Variants in TET3 observed in about 807,000 individuals in gnomAD.
TET3 encodes tet methylcytosine dioxygenase 3.
Under a neutral mutation model 141.4 loss-of-function variants are expected in TET3, and 19 were observed. The observed-to-expected ratio is 0.13, with a 90% confidence interval of 0.09 to 0.20. TET3 has a LOEUF of 0.20. TET3 is among the 10% of genes least tolerant of loss of function. The probability of loss-of-function intolerance (pLI) is 1.00; values close to 1 mark genes in which losing one functional copy is unlikely to be tolerated. For missense variants in TET3, 1,874 were observed against 2,356.9 expected (o/e 0.80, Z 4.24); for synonymous variants, 1,043 against 980.9 (o/e 1.06, Z -1.18).
chr2:74,051,724 T>C (rs575754820), intron 4 of TET3, among the ~76,000 whole-genome samples: 1 of 152,276 alleles, frequency 6.6e-6, no homozygotes, highest in Non-Finnish European at 1.5e-5. Flanking sequence ...ATGAGGTAAA[T>C]ACTGTCAGTG....
rs545729509 is a variant in TET3 at position 74,003,923 on chromosome 2, A to G, written c.360+757A>G. 1.4e-3 allele frequency among the ~76,000 whole-genome samples: 211 copies of G among 151,982 alleles called. 2 individuals carry two copies. The highest frequency in any genetic ancestry group is 5.0e-3 in the African/African-American group (208 of 41,434). On this transcript the variant is annotated intron_variant, in intron 3 of 11. Transcript: ENST00000409262. ...GTAGAGTATCAGCCATTACTAGGAA[A>G]CCACAGATATTCCTCCCACGTTGGC...
At chr2:73,996,608 A>T (rs781603975) in intron 2 of TET3, among the ~76,000 whole-genome samples, 6 of 152,128 alleles carry the variant, frequency 3.9e-5, no homozygotes, top group Non-Finnish European at 8.8e-5. Flanking sequence ...CCTGGATTTG[A>T]GCGATTCTCG....
chr2:73,990,221 A>AT (rs1246622629), intron 2 of TET3, among the ~76,000 whole-genome samples: 3 of 151,488 alleles, frequency 2.0e-5, no homozygotes, highest in Admixed American at 2.0e-4. Context: ...TGCTAAAAAA[A>AT]AAAAAAAATT....
chr2:74,043,159 C>T (rs1336004176), intron 3 of TET3, among the ~76,000 whole-genome samples: 2 of 152,190 alleles, frequency 1.3e-5, no homozygotes, highest in Admixed American at 6.5e-5. Flanking sequence ...ATGCTCTTTC[C>T]GTCTTCCTAC....
intron 5 of TET3, among the ~76,000 whole-genome samples, chr2:74,078,807 A>G (rs1689650498): frequency 2.0e-5 from 3 of 152,256 alleles, no homozygotes; most frequent in Admixed American, 2.0e-4. Context: ...ATACAAGGTT[A>G]TAGTATGCTG....
At chr2:74,031,953 T>G (rs1358944393) in intron 3 of TET3, among the ~76,000 whole-genome samples, 1 of 152,220 alleles carries the variant, frequency 6.6e-6, no homozygotes, top group Non-Finnish European at 1.5e-5. Context: ...TGGATTCTAC[T>G]TTGCCACTCA....
At chr2:74,010,343 A>C (rs1186298130) in intron 3 of TET3, among the ~76,000 whole-genome samples, 1 of 152,034 alleles carries the variant, frequency 6.6e-6, no homozygotes, top group Non-Finnish European at 1.5e-5. Flanking sequence ...GGTCTGGGGG[A>C]AGCCGGATGT....
chr2:74,023,284 G>A (rs1487181466), intron 3 of TET3, among the ~76,000 whole-genome samples: 1 of 152,132 alleles, frequency 6.6e-6, no homozygotes, highest in Admixed American at 6.5e-5. Context: ...GTGTCACGTA[G>A]GCTGGAGTGC....
chr2:73,989,412 G>A (rs1257679508), intron 2 of TET3, among the ~76,000 whole-genome samples: 1 of 152,076 alleles, frequency 6.6e-6, no homozygotes, highest in Non-Finnish European at 1.5e-5. Flanking sequence ...TCCATCTCTC[G>A]TAGCTGACTT....
intron 10 of TET3, 42 bp from the exon 11 acceptor site, chr2:74,099,234 T>G: frequency 2.0e-6 from 3 of 1,512,446 alleles, no homozygotes; most frequent in Non-Finnish European, 2.7e-6. Flanking sequence ...CAGCACTCGG[T>G]CCCCCAACCC....
chr2:74,013,514 T>G (rs1049138044), intron 3 of TET3, among the ~76,000 whole-genome samples: 2 of 152,044 alleles, frequency 1.3e-5, no homozygotes, highest in African/African-American at 4.8e-5. Context: ...ATAATTCGAT[T>G]CTTTTTATTG....
At chr2:74,088,340 A>G (rs2104070519) in intron 7 of TET3, among the ~76,000 whole-genome samples, 1 of 152,308 alleles carries the variant, frequency 6.6e-6, no homozygotes, top group Non-Finnish European at 1.5e-5. Flanking sequence ...GAAGGTATCG[A>G]AGATATTTAC....
downstream of TET3, among the ~76,000 whole-genome samples, chr2:74,111,000 C>T (rs1572921010): frequency 2.0e-5 from 3 of 152,142 alleles, no homozygotes; most frequent in East Asian, 5.8e-4. Context: ...AAGGTCCATA[C>T]CACTCACTCA....
At chr2:73,988,674 A>G (rs964879795) in intron 2 of TET3, among the ~76,000 whole-genome samples, 1 of 152,136 alleles carries the variant, frequency 6.6e-6, no homozygotes, top group African/African-American at 2.4e-5. Context: ...GGGTCAGGTA[A>G]GGTGAGGCTG....
chr2:74,105,338 T>C lies in TET3; in HGVS notation c.*3162T>C, dbSNP rs1213125119. 1 of 398,512 alleles carries C rather than the reference T, an allele frequency of 2.5e-6. No homozygotes were observed. Among genetic ancestry groups the C allele is most frequent in the African/African-American group, 2.1e-5 (1 of 48,624 alleles). The allele number at this position is 398,512 out of a possible 1,614,324, so 24.7% of individuals were successfully genotyped here. A position where few individuals can be genotyped will look rare whatever the true frequency, so the allele number is the denominator to read the frequency against. ...TGCTCTGTTTTGTTTTCCCTGCCTG[T>C]TGCGTGCAAGGGAAGTGCTTGTAAA... On this transcript the variant is annotated 3_prime_UTR_variant, in exon 12 of 12. Coordinates refer to ENST00000409262, the MANE Select transcript of TET3 (RefSeq NM_001287491.2).
At chr2:74,071,377 G>T (rs528758036) in intron 4 of TET3, among the ~76,000 whole-genome samples, 5 of 152,328 alleles carry the variant, frequency 3.3e-5, no homozygotes, top group African/African-American at 1.2e-4. Context: ...GAAAATCTTT[G>T]TATGTGGGTT....
intron 3 of TET3, among the ~76,000 whole-genome samples, chr2:74,038,369 T>C (rs1384696427): frequency 1.3e-5 from 2 of 152,256 alleles, no homozygotes; most frequent in Middle Eastern, 3.4e-3. Flanking sequence ...GGAACACACC[T>C]CCAACTTGGG....
At position 74,047,614 on chromosome 2, in the gene TET3, C is replaced by T. The variant is rs1462820733; in HGVS notation, c.1697C>T (p.Pro566Leu). The change falls in exon 4 of 12, where the codon CCT (proline) becomes CTT (leucine). Residue 566 changes from proline (P) to leucine (L), a missense_variant. Coordinates refer to ENST00000409262, the MANE Select transcript of TET3 (RefSeq NM_001287491.2). Reference sequence around the variant, plus strand: ...GGCTGGTGGCCCCCACCAAGTTCACCTGTCCCACGGCTTCCAGACAGACCA... The same window carrying T: ...GGCTGGTGGCCCCCACCAAGTTCACTTGTCCCACGGCTTCCAGACAGACCA... ...APGWWPPPSSPVPRLPDRPPK... is the reference protein window; with the variant it reads ...APGWWPPPSSLVPRLPDRPPK... 6.2e-7 allele frequency: 1 copy of T among 1,613,844 alleles called. No homozygotes were observed.
the TET3 span, among the ~76,000 whole-genome samples, chr2:74,123,822 C>T: frequency 6.6e-6 from 1 of 152,082 alleles, no homozygotes; most frequent in Non-Finnish European, 1.5e-5. Context: ...AGGAGTGTCT[C>T]TGCCCGGCCG....
Sources: allele counts gnomAD v4.1 joint callset (sites outside exome capture counted in the v4.1 genomes callset), GRCh38; gene constraint gnomAD v4.1.1; transcripts MANE v1.5; gene names NCBI Gene and HGNC (gene_info 2026-07-23, HGNC 2026-07-21).